Variants in GRIK1 observed in about 807,000 individuals in gnomAD.
GRIK1 encodes the protein glutamate ionotropic receptor kainate type subunit 1.
Under a neutral mutation model 105.7 loss-of-function variants are expected in GRIK1, and 69 were observed. The ratio of observed to expected loss-of-function variants is 0.65; its 90% CI spans 0.54 to 0.80. GRIK1 has a LOEUF of 0.80. Among genes scored for constraint, GRIK1 ranks in the 30% least tolerant of loss-of-function variants. The probability of loss-of-function intolerance (pLI) is 0.00; values close to 1 mark genes in which losing one functional copy is unlikely to be tolerated. For synonymous variants in GRIK1, 438 were observed against 431.3 expected (o/e 1.02, Z -0.19); for missense variants, 1,109 against 1,167.3 (o/e 0.95, Z 0.73).
At chr21:29,905,682 A>G (rs892686440) in intron 1 of GRIK1, among the ~76,000 whole-genome samples, 1 of 118,992 alleles carries the variant, frequency 8.4e-6, no homozygotes, top group African/African-American at 3.6e-5. Context: ...GCTGGAGTGC[A>G]GTGGAGGGAT....
At chr21:29,821,922 C>T (rs892892830) in intron 1 of GRIK1, among the ~76,000 whole-genome samples, 2 of 151,960 alleles carry the variant, frequency 1.3e-5, no homozygotes, top group African/African-American at 4.8e-5. Context: ...CTTCTGTAAG[C>T]TTTTCCAAAT....
chr21:29,601,180 A>T (rs2061511219), intron 7 of GRIK1: 1 of 497,052 alleles, frequency 2.0e-6, no homozygotes, highest in Non-Finnish European at 4.1e-6. Flanking sequence ...GAGCCTGAAA[A>T]GAACAAAAAG....
chr21:29,872,604 C>G lies in GRIK1; in HGVS notation c.118+66779G>C, dbSNP rs116003907. Among the ~76,000 whole-genome samples the G allele has an allele frequency of 7.3e-3, 1,105 of 152,242 alleles. 14 individuals are homozygous for G. Among genetic ancestry groups the G allele is most frequent in the African/African-American group, 0.024 (1,002 of 41,540 alleles). On this transcript the variant is annotated intron_variant, in intron 1 of 17. Transcript: ENST00000327783. ...ACTGCTGATAAAGATATACTTAAAA[C>G]TGAGTAATTTTTAAGAAAAAAGAGG...
Position 29,907,788 on chromosome 21 carries a change from GC to G in GRIK1, c.118+31594del, listed in dbSNP as rs1238881176. ...TGCTAGTGAATTAAAAAACATAGGT[GC>G]AAAAAAGAGCAATTTAGTGTATAAT... On this transcript the variant is annotated intron_variant, in intron 1 of 17. Transcript: ENST00000327783. 7.2e-5 allele frequency among the ~76,000 whole-genome samples: 11 copies of G among 152,052 alleles called. 1 individual carries two copies. In the East Asian group the frequency reaches 1.5e-3, roughly 21 times the overall value.
chr21:29,597,166 G>A (rs1157380320), intron 8 of GRIK1, among the ~76,000 whole-genome samples: 1 of 152,204 alleles, frequency 6.6e-6, no homozygotes, highest in Admixed American at 6.5e-5. Context: ...TGAGAGAGAT[G>A]TGTTGGCTTC....
Position 29,688,197 on chromosome 21 carries a change from A to G in GRIK1, c.544+1531T>C, listed in dbSNP as rs1346353097. Among the ~76,000 whole-genome samples the G allele has an allele frequency of 2.0e-5, 3 of 152,362 alleles. No individual in the cohort carries two copies. In the East Asian group the frequency reaches 5.8e-4, roughly 29 times the overall value. On this transcript the variant is annotated intron_variant, in intron 3 of 17. Coordinates refer to ENST00000327783, the MANE Select transcript of GRIK1 (RefSeq NM_001330994.2). ...GGACTGTTTCGAATACAATACTTATAAAATATATACCCACTCACTTAGAAT... is the reference window on the plus strand; with the variant it reads ...GGACTGTTTCGAATACAATACTTATGAAATATATACCCACTCACTTAGAAT...
chr21:29,540,237 C>T (rs1438517088), intron 16 of GRIK1, among the ~76,000 whole-genome samples: 1 of 152,164 alleles, frequency 6.6e-6, no homozygotes, highest in Non-Finnish European at 1.5e-5. Flanking sequence ...TTTAGACTGC[C>T]TTAAAGTACA....
chr21:29,676,573 C>A (rs1030941842), intron 3 of GRIK1, among the ~76,000 whole-genome samples: 1 of 152,190 alleles, frequency 6.6e-6, no homozygotes, highest in Non-Finnish European at 1.5e-5. Context: ...CTTTGCTAAT[C>A]CTCTCTCGTG....
intron 9 of GRIK1, among the ~76,000 whole-genome samples, chr21:29,594,390 T>G (rs2061373526): frequency 6.6e-6 from 1 of 152,170 alleles, no homozygotes; most frequent in South Asian, 2.1e-4. Context: ...CATTTGACAT[T>G]TCAGTACTGT....
chr21:29,562,582 G>T (rs549795731), intron 14 of GRIK1, among the ~76,000 whole-genome samples: 15 of 152,246 alleles, frequency 9.9e-5, no homozygotes, highest in African/African-American at 3.6e-4. Flanking sequence ...TTGAACCCGG[G>T]AGGTGGAGGT....
chr21:29,634,961 A>C (rs1229646195), intron 7 of GRIK1, among the ~76,000 whole-genome samples: 1 of 152,214 alleles, frequency 6.6e-6, no homozygotes, highest in Non-Finnish European at 1.5e-5. Context: ...CTTTGCTTAT[A>C]TGTGGACAAT....
At chr21:29,597,581 T>A in intron 8 of GRIK1, 2 of 435,676 alleles carry the variant, frequency 4.6e-6, no homozygotes, top group Non-Finnish European at 9.6e-6. Flanking sequence ...CAACATCCCA[T>A]GCACCATCGT....
At chr21:29,579,878 A>G (rs1381970404) in intron 13 of GRIK1, among the ~76,000 whole-genome samples, 1 of 151,624 alleles carries the variant, frequency 6.6e-6, no homozygotes, top group African/African-American at 2.4e-5. Flanking sequence ...GGTGCACTCA[A>G]TGACAGAAGG....
At chr21:29,546,033 G>A (rs1381841984) in intron 16 of GRIK1, among the ~76,000 whole-genome samples, 1 of 152,158 alleles carries the variant, frequency 6.6e-6, no homozygotes, top group Non-Finnish European at 1.5e-5. Flanking sequence ...GAGGGCCCAG[G>A]ATCAGCTAGT....
intron 1 of GRIK1, among the ~76,000 whole-genome samples, chr21:29,707,015 C>CGCCCTGCTAATTAGCTA (rs1475177951): frequency 6.6e-6 from 1 of 152,192 alleles, no homozygotes; most frequent in Non-Finnish European, 1.5e-5. Flanking sequence ...CAGGTGCCCG[C>CGCCCTGCTAATTAGCTA]CACCGCGCCC....
At chr21:29,815,237 A>G (rs1204559594) in intron 1 of GRIK1, among the ~76,000 whole-genome samples, 1 of 152,138 alleles carries the variant, frequency 6.6e-6, no homozygotes, top group Non-Finnish European at 1.5e-5. Context: ...AGACTCATGG[A>G]AGCTCTGGAG....
intron 1 of GRIK1, among the ~76,000 whole-genome samples, chr21:29,754,227 A>G (rs1301678389): frequency 1.3e-5 from 2 of 152,206 alleles, no homozygotes; most frequent in Non-Finnish European, 2.9e-5. Flanking sequence ...ATACTAATGA[A>G]GTTAAACAGA....
At chr21:29,831,825 A>AATCATCC (rs2067650380) in intron 1 of GRIK1, among the ~76,000 whole-genome samples, 1 of 152,114 alleles carries the variant, frequency 6.6e-6, no homozygotes, top group Non-Finnish European at 1.5e-5. Context: ...TGCAAAATAC[A>AATCATCC]ATCATCCCAT....
At chr21:29,820,963 A>G (rs979739948) in intron 1 of GRIK1, among the ~76,000 whole-genome samples, 1 of 151,832 alleles carries the variant, frequency 6.6e-6, no homozygotes, top group Admixed American at 6.6e-5. Flanking sequence ...GTTTGTAAAT[A>G]CCAACATATC....
Sources: gnomAD v4.1 joint callset for allele counts (sites outside exome capture counted in the v4.1 genomes callset) on GRCh38, gnomAD v4.1.1 for gene constraint, MANE v1.5 for transcripts, NCBI Gene and HGNC (gene_info 2026-07-23, HGNC 2026-07-21) for gene names.